The following WASF2 variants were observed in gnomAD, a reference collection of about 807,000 sequenced individuals.
WASF2 encodes WASP family member 2, also known as actin-binding protein WASF2.
A neutral mutation model predicts 45.0 loss-of-function variants in WASF2; 14 were observed. The observed-to-expected ratio is 0.31, with a 90% CI of 0.21 to 0.49. WASF2 has a LOEUF of 0.49. Ranked by LOEUF, WASF2 falls within the 20% of genes least tolerant of loss-of-function variation. The probability of loss-of-function intolerance (pLI) is 0.99; values close to 1 mark genes in which losing one functional copy is unlikely to be tolerated. For synonymous variants in WASF2, 200 were observed against 236.3 expected, an observed-to-expected ratio of 0.85 and a Z score of 1.41; for missense variants, 439 against 636.1, an observed-to-expected ratio of 0.69 and a Z score of 3.33.
At chr1:27,477,045 T>G (rs559969060) in intron 1 of WASF2, among the ~76,000 whole-genome samples, 1 of 152,338 alleles carries the variant, frequency 6.6e-6, no homozygotes, top group African/African-American at 2.4e-5. Context: ...AACAAAATAC[T>G]GGCTGTCATT....
intron 1 of WASF2, among the ~76,000 whole-genome samples, chr1:27,487,053 T>C: frequency 9.3e-6 from 1 of 107,224 alleles, no homozygotes; most frequent in African/African-American, 4.3e-5. Flanking sequence ...ACATATATTA[T>C]ATATAACATA....
intron 1 of WASF2, among the ~76,000 whole-genome samples, chr1:27,443,109 G>A (rs2017262111): frequency 6.6e-6 from 1 of 151,322 alleles, no homozygotes; most frequent in South Asian, 2.1e-4. Flanking sequence ...GCCTGCAGTA[G>A]GCTGTGATTG....
chr1:27,476,590 A>G (rs980552803), intron 1 of WASF2, among the ~76,000 whole-genome samples: 1 of 152,100 alleles, frequency 6.6e-6, no homozygotes, highest in African/African-American at 2.4e-5. Context: ...CAAAATTTAA[A>G]AAAAAAAAAA....
chr1:27,475,781 T>A (rs886391851), intron 1 of WASF2, among the ~76,000 whole-genome samples: 1 of 152,220 alleles, frequency 6.6e-6, no homozygotes, highest in South Asian at 2.1e-4. Flanking sequence ...GTGCACACCA[T>A]CACACCCAGC....
intron 1 of WASF2, among the ~76,000 whole-genome samples, chr1:27,441,924 CAA>C (rs1223064988): frequency 4.1e-4 from 27 of 66,374 alleles, no homozygotes; most frequent in Admixed American, 6.9e-4. Context: ...GACTCCATCT[CAA>C]AAAAAAAAAA....
chr1:27,461,062 C>A (rs753286458), intron 1 of WASF2, among the ~76,000 whole-genome samples: 2 of 152,016 alleles, frequency 1.3e-5, no homozygotes, highest in African/African-American at 4.8e-5. Flanking sequence ...AGGAGAATGG[C>A]GTGAACCCGG....
At chr1:27,467,638 C>T (rs952189512) in intron 1 of WASF2, among the ~76,000 whole-genome samples, 126 of 151,140 alleles carry the variant, frequency 8.3e-4, no homozygotes, top group African/African-American at 2.8e-3. Flanking sequence ...TTCCGGGGGG[C>T]GCAGTGGCTC....
chr1:27,422,435 C>T (rs769226244), intron 2 of WASF2, among the ~76,000 whole-genome samples: 1 of 151,734 alleles, frequency 6.6e-6, no homozygotes, highest in South Asian at 2.1e-4. Context: ...CTGGCTAACA[C>T]GGTGAAACTC....
chr1:27,419,443 C>T (rs191884493), intron 2 of WASF2, among the ~76,000 whole-genome samples: 1 of 152,270 alleles, frequency 6.6e-6, no homozygotes, highest in Admixed American at 6.5e-5. Flanking sequence ...GGGGAAACCC[C>T]GTCTCTACTA....
intron 1 of WASF2, among the ~76,000 whole-genome samples, chr1:27,444,946 T>C (rs957395533): frequency 2.0e-5 from 3 of 152,218 alleles, no homozygotes; most frequent in African/African-American, 2.4e-5. Context: ...TCTAAAGTCA[T>C]TTTCCTCCCT....
intron 1 of WASF2, among the ~76,000 whole-genome samples, chr1:27,454,165 A>ATGTGTGTG (rs1378549965): frequency 1.3e-5 from 1 of 75,114 alleles, no homozygotes; most frequent in African/African-American, 7.6e-5. Context: ...ATATATATAT[A>ATGTGTGTG]TATATATATA....
intron 1 of WASF2, among the ~76,000 whole-genome samples, chr1:27,448,716 C>T (rs2017342131): frequency 6.6e-6 from 1 of 151,768 alleles, no homozygotes; most frequent in South Asian, 2.1e-4. Flanking sequence ...GTGATGCATA[C>T]CCATAGTCCC....
intron 1 of WASF2, among the ~76,000 whole-genome samples, chr1:27,469,413 A>T (rs921634350): frequency 2.1e-4 from 32 of 152,238 alleles, no homozygotes; most frequent in African/African-American, 7.0e-4. Context: ...ACAAAAATGT[A>T]TGAAAATAAG....
chr1:27,461,219 T>A (rs561939184), intron 1 of WASF2, among the ~76,000 whole-genome samples: 1 of 152,166 alleles, frequency 6.6e-6, no homozygotes, highest in African/African-American at 2.4e-5. Flanking sequence ...TGGAGAAAAG[T>A]TGCAAGAATA....
chr1:27,488,906 T>G (rs1049328502), intron 1 of WASF2, among the ~76,000 whole-genome samples: 1 of 152,170 alleles, frequency 6.6e-6, no homozygotes, highest in Non-Finnish European at 1.5e-5. Flanking sequence ...TCAGTTTCCT[T>G]ATGTGTAAAT....
At chr1:27,447,570 A>G (rs2017327232) in intron 1 of WASF2, among the ~76,000 whole-genome samples, 1 of 152,184 alleles carries the variant, frequency 6.6e-6, no homozygotes, top group South Asian at 2.1e-4. Context: ...CATCCAGCCT[A>G]ACTATGGAAA....
At chr1:27,478,678 G>A (rs2017804727) in intron 1 of WASF2, among the ~76,000 whole-genome samples, 1 of 152,096 alleles carries the variant, frequency 6.6e-6, no homozygotes, top group Admixed American at 6.5e-5. Context: ...CGCCTCCCAG[G>A]TTCAAGCGAG....
At position 27,410,876 on chromosome 1, in the gene WASF2, A is replaced by C. The variant is rs2016752717; in HGVS notation, c.825-670T>G. The stretch of plus-strand genomic sequence containing the variant: ...CTGACCCAGGCCTGAAAGAGGATTA[A>C]AGCTACACCTCTCCTGGGATCAGAT... On this transcript the variant is annotated intron_variant, in intron 7 of 8. Transcript: ENST00000618852. The surrounding 1 kb of genome is among the most constrained non-coding windows in gnomAD (Gnocchi z 4.2). 6.6e-6 allele frequency among the ~76,000 whole-genome samples: 1 copy of C among 152,306 alleles called. No individual in the cohort carries two copies. Among genetic ancestry groups the C allele is most frequent in the African/African-American group, 2.4e-5 (1 of 41,560 alleles).
intron 1 of WASF2, among the ~76,000 whole-genome samples, chr1:27,448,504 G>C (rs2017340085): frequency 6.6e-6 from 1 of 152,128 alleles, no homozygotes; most frequent in Non-Finnish European, 1.5e-5. Flanking sequence ...ACCGAACATT[G>C]GACAAATGGA....
Sources: gnomAD v4.1 joint callset for allele counts (sites outside exome capture counted in the v4.1 genomes callset) on GRCh38, gnomAD v4.1.1 for gene constraint, Gnocchi (gnomAD v3.1) non-coding constraint, MANE v1.5 for transcripts, NCBI Gene and HGNC (gene_info 2026-07-23, HGNC 2026-07-21) for gene names.